TOPBP1: variants seen among roughly 807,000 people sequenced by gnomAD.
TOPBP1 encodes the protein DNA topoisomerase II binding protein 1, also known as DNA topoisomerase 2-binding protein 1.
A neutral mutation model predicts 167.7 loss-of-function variants in TOPBP1; 28 were observed. That is an observed-to-expected ratio of 0.17 (90% CI 0.12 to 0.23). The LOEUF (loss-of-function observed/expected upper bound fraction) is 0.23, where lower values mean the gene tolerates loss of function less well. Among genes scored for constraint, TOPBP1 ranks in the 10% least tolerant of loss-of-function variants. The pLI is 1.00. For synonymous variants in TOPBP1, 598 were observed against 611.4 expected (o/e 0.98, Z 0.32); for missense variants, 1,554 against 1,809.6 (o/e 0.86, Z 2.56).
chr3:133,636,287 G>C (rs1242501682), intron 14 of TOPBP1, among the ~76,000 whole-genome samples: 1 of 151,966 alleles, frequency 6.6e-6, no homozygotes. Flanking sequence ...GTTTTTTTGA[G>C]GGGGGCAAGG....
At chr3:133,637,645 T>C (rs1449107230) in intron 14 of TOPBP1, among the ~76,000 whole-genome samples, 2 of 152,202 alleles carry the variant, frequency 1.3e-5, no homozygotes, top group African/African-American at 4.8e-5. Context: ...TCAAGATCGA[T>C]CCAGTACTTG....
At chr3:133,660,912 T>C (rs575937276) in intron 2 of TOPBP1, 132 bp downstream of exon 2, 2 of 602,520 alleles carry the variant, frequency 3.3e-6, no homozygotes, top group Non-Finnish European at 5.5e-6. Flanking sequence ...TAATGATATA[T>C]CTGTATTAAT....
intron 8 of TOPBP1, among the ~76,000 whole-genome samples, chr3:133,650,364 T>TGTGTGG (rs1553726537): frequency 1.5e-4 from 15 of 99,314 alleles, no homozygotes; most frequent in African/African-American, 5.3e-4. Context: ...TGTGTGTGTG[T>TGTGTGG]GGGGGGCGGG....
At chr3:133,628,846 A>G in intron 14 of TOPBP1, 113 bp from the exon 15 acceptor site, 3 of 1,055,202 alleles carry the variant, frequency 2.8e-6, no homozygotes, top group Non-Finnish European at 4.0e-6. Context: ...AAAGAGAGAG[A>G]AGGGGGAGAA....
intron 10 of TOPBP1, among the ~76,000 whole-genome samples, chr3:133,648,505 A>G (rs1936160838): frequency 1.3e-5 from 2 of 152,228 alleles, no homozygotes; most frequent in Non-Finnish European, 2.9e-5. Context: ...TGTGATCATT[A>G]AAGTATTTTA....
chr3:133,637,022 A>G (rs1179437622), intron 14 of TOPBP1, among the ~76,000 whole-genome samples: 1 of 152,172 alleles, frequency 6.6e-6, no homozygotes, highest in Non-Finnish European at 1.5e-5. Flanking sequence ...CTTGGGGAAA[A>G]CTGTCCTGGA....
In TOPBP1 at chr3:133,637,859, C is replaced by T. The variant is rs1935729920; in HGVS notation, c.2520+17G>A. The T allele has an allele frequency of 2.5e-6, 4 of 1,609,278 alleles. No homozygotes were observed. Among genetic ancestry groups the T allele is most frequent in the African/African-American group, 1.3e-5 (1 of 74,798 alleles). On this transcript the variant is annotated intron_variant, in intron 14 of 27. Coordinates refer to ENST00000260810, the MANE Select transcript of TOPBP1 (RefSeq NM_007027.4). ...GGTAAAACTGTTAACTCTGGGACCA[C>T]TGCCTATAAACCTTACCTTCACATC... is the stretch of plus-strand genomic sequence containing the variant.
At chr3:133,634,320 C>T (rs183283214) in intron 14 of TOPBP1, among the ~76,000 whole-genome samples, 1 of 152,086 alleles carries the variant, frequency 6.6e-6, no homozygotes, top group Non-Finnish European at 1.5e-5. Flanking sequence ...GTCAGCCTGG[C>T]CAACATGGCA....
rs188951653 is a variant in TOPBP1 at position 133,653,032 on chromosome 3, T to G, written c.922+313A>C. On this transcript the variant is annotated intron_variant, in intron 7 of 27. Transcript: ENST00000260810. ...AGCAAAACTGTAAATTAAGGAAAGA[T>G]TAATATATGCATGTAATGTTTAAAA... Among the ~76,000 whole-genome samples the G allele has an allele frequency of 6.5e-3, 993 of 152,322 alleles. 11 individuals are homozygous for G. The highest frequency in any genetic ancestry group is 0.01 in the Non-Finnish European group (685 of 68,032).
At chr3:133,660,708 T>C (rs1040315439) in intron 2 of TOPBP1, among the ~76,000 whole-genome samples, 1 of 152,136 alleles carries the variant, frequency 6.6e-6, no homozygotes, top group African/African-American at 2.4e-5. Context: ...AACCAAAAAA[T>C]TTTCAAGTAT....
chr3:133,623,038 T>C (rs1216894963), intron 19 of TOPBP1, 53 bp downstream of exon 19: 2 of 1,114,568 alleles, frequency 1.8e-6, no homozygotes, highest in Non-Finnish European at 2.5e-6. Flanking sequence ...CCACAAAAAA[T>C]TGAGACCTTG....
rs552404747 is a variant in TOPBP1, at chr3:133,606,937, CAACA to C, written c.4425+1594_4425+1597del. Among the ~76,000 whole-genome samples the C allele has an allele frequency of 5.7e-4, 87 of 151,620 alleles. 1 individual carries two copies. The highest frequency in any genetic ancestry group is 8.4e-4 in the South Asian group (4 of 4,780). The stretch of plus-strand genomic sequence containing the variant: ...AAATATTAAATACACACACACACAC[CAACA>C]AACAAACAAACAAACAAAGAGACCA... On this transcript the variant is annotated intron_variant, in intron 27 of 27. Coordinates refer to ENST00000260810, the MANE Select transcript of TOPBP1 (RefSeq NM_007027.4).
chr3:133,638,157 T>C lies in TOPBP1; in HGVS notation c.2239A>G (p.Ser747Gly). 2 of 1,612,856 alleles carry C rather than the reference T, an allele frequency of 1.2e-6. 1 individual carries two copies. The highest frequency in any genetic ancestry group is 2.2e-5 in the South Asian group (2 of 91,038). The change falls in exon 14 of 28, where the codon AGT becomes GGT. Residue 747 changes from serine to glycine, a missense_variant. By Grantham distance (56) the Ser-to-Gly change is moderately conservative. This residue lies in a region of TOPBP1 where 1,197 missense variants were observed against 1,351.5 expected (regional missense o/e 0.89). Coordinates refer to ENST00000260810, the MANE Select transcript of TOPBP1 (RefSeq NM_007027.4). ...LIENSTKEERSLETEITNGIN... is the reference protein window; with the variant it reads ...LIENSTKEERGLETEITNGIN... ...CCATTTGTTATTTCTGTTTCCAAACTTCGTTCTAGAGATTTAAAATGAAAA... is the reference window on the plus strand; with the variant it reads ...CCATTTGTTATTTCTGTTTCCAAACCTCGTTCTAGAGATTTAAAATGAAAA...
intron 14 of TOPBP1, among the ~76,000 whole-genome samples, chr3:133,637,167 T>C (rs1250066048): frequency 6.6e-6 from 1 of 152,052 alleles, no homozygotes; most frequent in Non-Finnish European, 1.5e-5. Flanking sequence ...CGTGAATGAG[T>C]AAAATAATTC....
At chr3:133,626,615 G>A (rs1340614289) in intron 16 of TOPBP1, among the ~76,000 whole-genome samples, 2 of 152,154 alleles carry the variant, frequency 1.3e-5, no homozygotes, top group African/African-American at 4.8e-5. Flanking sequence ...TGCTACTCAT[G>A]GTATCTGAGT....
At chr3:133,649,698 G>C in intron 9 of TOPBP1, 65 bp from the exon 10 acceptor site, 2 of 1,594,710 alleles carry the variant, frequency 1.3e-6, no homozygotes, top group Non-Finnish European at 1.7e-6. Context: ...CACTTGTCAT[G>C]CAGTTTCCAG....
intron 23 of TOPBP1, among the ~76,000 whole-genome samples, chr3:133,616,527 T>C (rs931221705): frequency 2.6e-5 from 4 of 152,224 alleles, no homozygotes; most frequent in East Asian, 3.8e-4. Context: ...TTTATTTATA[T>C]AGTAAGTCTT....
At chr3:133,630,600 A>C (rs1559818819) in intron 14 of TOPBP1, among the ~76,000 whole-genome samples, 1 of 146,854 alleles carries the variant, frequency 6.8e-6, no homozygotes, top group Non-Finnish European at 1.5e-5. Context: ...GACTCGCTGT[A>C]ATTTTTTTGT....
Position 133,655,268 on chromosome 3 carries a change from C to T in TOPBP1, c.742+22G>A, listed in dbSNP as rs937774893. Reference sequence around the variant, plus strand: ...TACTAGAGAAAATGTTTCATTTGTCCCTTTGTGAAACACAGTTTTACCTTT... The same window carrying T: ...TACTAGAGAAAATGTTTCATTTGTCTCTTTGTGAAACACAGTTTTACCTTT... On this transcript the variant is annotated intron_variant, in intron 6 of 27. Coordinates refer to ENST00000260810, the MANE Select transcript of TOPBP1 (RefSeq NM_007027.4). The T allele has an allele frequency of 6.0e-6, 8 of 1,335,736 alleles. No homozygotes were observed. In the Admixed American group the frequency reaches 1.1e-4, roughly 19 times the overall value. The allele number at this position is 1,335,736 out of a possible 1,614,324, so 82.7% of individuals were successfully genotyped here.
Sources: allele counts gnomAD v4.1 joint callset (sites outside exome capture counted in the v4.1 genomes callset), GRCh38; gene constraint gnomAD v4.1.1; regional missense constraint gnomAD v4.1.1; transcripts MANE v1.5; gene names NCBI Gene and HGNC (gene_info 2026-07-23, HGNC 2026-07-21).